HECW1: variants seen among roughly 807,000 people sequenced by gnomAD.
The protein encoded by HECW1 is HECT, C2 and WW domain containing E3 ubiquitin protein ligase 1.
A neutral mutation model predicts 182.3 loss-of-function variants in HECW1; 61 were observed. The ratio of observed to expected loss-of-function variants is 0.33; its 90% confidence interval spans 0.27 to 0.41. HECW1 has a LOEUF of 0.41. Among genes scored for constraint, HECW1 ranks in the 10% least tolerant of loss-of-function variants. HECW1 has a pLI of 1.00. For missense variants in HECW1, 1,739 were observed against 2,108.9 expected (o/e 0.82, Z 3.44); for synonymous variants, 859 against 832.6 (o/e 1.03, Z -0.55).
At position 43,445,509 on chromosome 7, in the gene HECW1, C is replaced by A; in HGVS notation, c.2337C>A (p.His779Gln). 6.2e-7 allele frequency: 1 copy of A among 1,610,852 alleles called. No homozygotes were observed. The highest frequency in any genetic ancestry group is 8.5e-7 in the Non-Finnish European group (1 of 1,178,374). Reference sequence around the variant, plus strand: ...ACGAGCTGGCCGCCCCTAGCGGGCACGTGGAAAGAAGCCCGGAAGGTCTGG... The same window carrying A: ...ACGAGCTGGCCGCCCCTAGCGGGCAAGTGGAAAGAAGCCCGGAAGGTCTGG... The part of the protein sequence containing the change: ...WQDELAAPSG[H>Q]VERSPEGLES... Residue 779 changes from histidine (H) to glutamine (Q), a missense_variant, in exon 11 of 30, where the codon CAC becomes CAA. This residue lies in a region of HECW1 where 971 missense variants were observed against 1,029.1 expected (regional missense o/e 0.94). Coordinates refer to ENST00000395891, the MANE Select transcript of HECW1 (RefSeq NM_015052.5).
At chr7:43,276,445 T>C (rs1040551635) in intron 3 of HECW1, among the ~76,000 whole-genome samples, 4 of 139,320 alleles carry the variant, frequency 2.9e-5, no homozygotes, top group African/African-American at 1.3e-4. Context: ...GAGACTACAT[T>C]TTAAAAAATA....
chr7:43,313,159 C>A (rs946913423), intron 4 of HECW1, among the ~76,000 whole-genome samples: 3 of 152,152 alleles, frequency 2.0e-5, no homozygotes, highest in Non-Finnish European at 4.4e-5. Flanking sequence ...TTATAATACA[C>A]ACATTAATGT....
At chr7:43,333,456 C>T (rs1305549587) in intron 5 of HECW1, among the ~76,000 whole-genome samples, 2 of 152,190 alleles carry the variant, frequency 1.3e-5, no homozygotes, top group African/African-American at 2.4e-5. Context: ...TTTGTATATG[C>T]ATTTATAAAA....
At chr7:43,362,417 C>A (rs1246010926) in intron 6 of HECW1, among the ~76,000 whole-genome samples, 1 of 152,142 alleles carries the variant, frequency 6.6e-6, no homozygotes, top group Non-Finnish European at 1.5e-5. Context: ...GAGGGAGAGG[C>A]ACATGTGCTT....
chr7:43,436,149 A>G (rs1190924475), intron 8 of HECW1, among the ~76,000 whole-genome samples: 2 of 137,932 alleles, frequency 1.4e-5, no homozygotes, highest in African/African-American at 5.7e-5. Flanking sequence ...GGGCAAGAGA[A>G]CTAGACTTTG....
chr7:43,400,291 A>G (rs2075363342), intron 7 of HECW1, among the ~76,000 whole-genome samples: 1 of 152,184 alleles, frequency 6.6e-6, no homozygotes, highest in African/African-American at 2.4e-5. Context: ...GACAAGACAG[A>G]AAGATCAGCA....
rs1805956933 is a variant in HECW1, at chr7:43,295,661, A to C, written c.28-16102A>C. On this transcript the variant is annotated intron_variant, in intron 3 of 29. Coordinates refer to ENST00000395891, the MANE Select transcript of HECW1 (RefSeq NM_015052.5). The stretch of plus-strand genomic sequence containing the variant: ...TGGTGGAGGAGGGGCTGGTGGCGGC[A>C]GTGGAACATCTGCATGACCTACGTA... Among the ~76,000 whole-genome samples, 4 of 152,314 alleles carry C rather than the reference A, an allele frequency of 2.6e-5. No individual in the cohort carries two copies. In the South Asian group the frequency reaches 8.3e-4, roughly 32 times the overall value.
intron 2 of HECW1, among the ~76,000 whole-genome samples, chr7:43,195,337 C>T (rs1207781302): frequency 6.6e-6 from 1 of 152,226 alleles, no homozygotes; most frequent in East Asian, 1.9e-4. Context: ...GCCACCTTGT[C>T]AGGCTTCCTA....
chr7:43,132,027 G>A (rs893213662), intron 2 of HECW1, among the ~76,000 whole-genome samples: 1 of 152,190 alleles, frequency 6.6e-6, no homozygotes, highest in Non-Finnish European at 1.5e-5. Flanking sequence ...AACCTCTGTT[G>A]TTAGGTTCAG....
At chr7:43,489,622 G>A (rs1189967370) in intron 17 of HECW1, among the ~76,000 whole-genome samples, 2 of 152,212 alleles carry the variant, frequency 1.3e-5, no homozygotes, top group African/African-American at 2.4e-5. Context: ...TAGGCCATGG[G>A]CAATAAGAAG....
At chr7:43,216,934 C>T (rs1206443392) in intron 2 of HECW1, among the ~76,000 whole-genome samples, 2 of 152,152 alleles carry the variant, frequency 1.3e-5, no homozygotes, top group Middle Eastern at 3.2e-3. Flanking sequence ...GGATTACAGG[C>T]GTGAGCCACC....
intron 2 of HECW1, among the ~76,000 whole-genome samples, chr7:43,160,186 G>T (rs1461629312): frequency 6.6e-6 from 1 of 151,368 alleles, no homozygotes; most frequent in African/African-American, 2.5e-5. Flanking sequence ...CTATGGGTCT[G>T]TTTGTCATTT....
intron 2 of HECW1, among the ~76,000 whole-genome samples, chr7:43,143,961 G>C (rs1013479573): frequency 9.9e-5 from 15 of 152,172 alleles, no homozygotes; most frequent in African/African-American, 2.7e-4. Context: ...GTCAGCCAAT[G>C]GCCAGCAGGC....
chr7:43,336,144 T>TCTC (rs1812211759), intron 5 of HECW1, among the ~76,000 whole-genome samples: 2 of 51,924 alleles, frequency 3.9e-5, no homozygotes, highest in African/African-American at 7.1e-5. Context: ...CTCTCTCTCT[T>TCTC]TCTCTCTCTC....
At chr7:43,328,784 G>A (rs962902131) in intron 5 of HECW1, among the ~76,000 whole-genome samples, 13 of 152,142 alleles carry the variant, frequency 8.5e-5, no homozygotes, top group African/African-American at 3.1e-4. Flanking sequence ...TCAGATACAT[G>A]TCAGATCTTC....
intron 25 of HECW1, among the ~76,000 whole-genome samples, 159 bp from the exon 26 acceptor site, chr7:43,541,710 A>G (rs11769030): frequency 0.072 from 10,976 of 152,326 alleles, 495 homozygotes; most frequent in East Asian, 0.16. Context: ...TGAATGAACT[A>G]AAATGACTGA....
At chr7:43,417,084 C>T (rs1485203760) in intron 8 of HECW1, among the ~76,000 whole-genome samples, 3 of 152,170 alleles carry the variant, frequency 2.0e-5, no homozygotes, top group Non-Finnish European at 1.5e-5. Context: ...GAGTTTCACT[C>T]TGGTCGCCCA....
Position 43,454,390 on chromosome 7 carries a change from T to C in HECW1, c.2501-1907T>C, listed in dbSNP as rs117742841. Among the ~76,000 whole-genome samples, 3 of 152,342 alleles carry C rather than the reference T, an allele frequency of 2.0e-5. No individual in the cohort carries two copies. In the East Asian group the frequency reaches 5.8e-4, roughly 29 times the overall value. ...TCCTACTGCTTTTACTAATATTAGT[T>C]TGGGATCCATTAAAATTTTTAAGTT... On this transcript the variant is annotated intron_variant, in intron 12 of 29. Transcript: ENST00000395891.
chr7:43,132,528 CTCTCTCTT>C (rs760250932), intron 2 of HECW1, among the ~76,000 whole-genome samples: 44 of 152,088 alleles, frequency 2.9e-4, no homozygotes, highest in Non-Finnish European at 4.7e-4. Flanking sequence ...TTCCTTCTCT[CTCTCTCTT>C]TCTCTCTTTC....
Sources: gnomAD v4.1 joint callset for allele counts (sites outside exome capture counted in the v4.1 genomes callset) on GRCh38, gnomAD v4.1.1 for gene constraint, gnomAD v4.1.1 regional missense constraint, MANE v1.5 for transcripts, NCBI Gene and HGNC (gene_info 2026-07-23, HGNC 2026-07-21) for gene names.